RECQL4: variants seen among roughly 807,000 people sequenced by gnomAD.
RECQL4 encodes the protein RecQ like helicase 4.
Under a neutral mutation model 128.6 loss-of-function variants are expected in RECQL4, and 158 were observed. The ratio of observed to expected loss-of-function variants is 1.23; its 90% CI spans 1.08 to 1.40. The LOEUF is 1.40. RECQL4 is among the 40% of genes most tolerant of loss of function. The pLI, the probability that RECQL4 is intolerant of heterozygous loss-of-function variation, is 0.00. For missense variants in RECQL4, 2,293 were observed against 1,649.8 expected (o/e 1.39, Z -6.75); for synonymous variants, 996 against 678.9 (o/e 1.47, Z -7.26).
chr8:144,517,540 T>C, intron 2 of RECQL4, 32 bp from the exon 3 acceptor site: 1 of 1,551,790 alleles, frequency 6.4e-7, no homozygotes, highest in Non-Finnish European at 8.6e-7. Flanking sequence ...GGGGTCAGGG[T>C]GGGGCCTGGG....
chr8:144,513,339 G>A lies in RECQL4; in HGVS notation c.2342C>T (p.Pro781Leu), dbSNP rs2130678317. 6.2e-7 allele frequency: 1 copy of A among 1,604,326 alleles called. No homozygotes were observed. Among genetic ancestry groups the A allele is most frequent in the Non-Finnish European group, 8.5e-7 (1 of 1,179,614 alleles). ...TVAFGMGLDR[P>L]DVRAVLHLGL... The stretch of plus-strand genomic sequence containing the variant: ...CAGATGCAGCACAGCCCGCACATCT[G>A]GCCGGTCCAGCCCCATCCCAAAGGC... The change falls in exon 14 of 21, where the codon CCA becomes CTA. Residue 781 changes from proline to leucine, a missense_variant. Pro to Leu is a moderately conservative substitution (Grantham distance 98). Coordinates refer to ENST00000617875, the MANE Select transcript of RECQL4 (RefSeq NM_004260.4).
At position 144,513,443 on chromosome 8, in the gene RECQL4, C is replaced by T. The variant is rs35215952; in HGVS notation, c.2238G>A (p.Ala746=). ...GCCGCCGTTCCCGGCTGCACATGCC[C>T]GCGTGGTAGGCCTCGGCTGTGGTTT... ...APKTTAEAYH[A]GMCSRERRRV... is the part of the protein sequence containing the mutation. Residue 746 remains alanine (A), a synonymous_variant, in exon 14 of 21, where the codon GCG becomes GCA. Transcript: ENST00000617875. 3.7e-3 allele frequency: 5,946 copies of T among 1,609,742 alleles called. 38 individuals carry two copies. Among genetic ancestry groups the T allele is most frequent in the African/African-American group, 0.027 (2,057 of 75,038 alleles).
rs1815102130 is a variant in RECQL4 at position 144,516,744 on chromosome 8, G to A, written c.375C>T (p.Arg125=). 1 of 1,524,304 alleles carries A rather than the reference G, an allele frequency of 6.6e-7. No individual in the cohort carries two copies. Among genetic ancestry groups the A allele is most frequent in the Non-Finnish European group, 8.8e-7 (1 of 1,139,976 alleles). The allele number at this position is 1,524,304 out of a possible 1,614,324, so 94.4% of individuals were successfully genotyped here. A position where few individuals can be genotyped will look rare whatever the true frequency, so the allele number is the denominator to read the frequency against. ...GTLQAGPALG[R]RPWPLGRASS... is the part of the protein sequence containing the mutation. ...AGGCTCTTCCTAGAGGCCACGGTCT[G>A]CGGCCCAGGGCTGGTCCGGCCTGGG... is the stretch of plus-strand genomic sequence containing the variant. The change falls in exon 5 of 21, where the codon CGC becomes CGT. Residue 125 remains arginine (R), a synonymous_variant. Transcript: ENST00000617875.
chr8:144,512,604 T>C (rs1323132839), intron 16 of RECQL4, 38 bp downstream of exon 16: 9 of 1,611,472 alleles, frequency 5.6e-6, no homozygotes, highest in Non-Finnish European at 7.6e-6. Context: ...CAGCCCTGAT[T>C]CTCCAACCTC....
intron 18 of RECQL4, 34 bp from the exon 19 acceptor site, chr8:144,512,101 C>T (rs374253364): frequency 6.8e-4 from 1,098 of 1,603,296 alleles, no homozygotes; most frequent in Non-Finnish European, 8.5e-4. Context: ...CTGATCACTG[C>T]GGGAGGGTGG....
rs530002165 is a variant in RECQL4, at chr8:144,517,444, G to C, written c.183C>G (p.Ser61Arg). Residue 61 changes from serine to arginine, a missense_variant, in exon 3 of 21, where the codon AGC becomes AGG. Coordinates refer to ENST00000617875, the MANE Select transcript of RECQL4 (RefSeq NM_004260.4). ...CGGCCGCCGCGGGGAGCGACTCGGAGCTGCGGAGCCCGCCGCCGGCCTGGC... is the reference window on the plus strand; with the variant it reads ...CGGCCGCCGCGGGGAGCGACTCGGACCTGCGGAGCCCGCCGCCGGCCTGGC... ...TTGQAGGGLR[S>R]SESLPAAAEE... 1.3e-6 allele frequency: 2 copies of C among 1,590,854 alleles called. No individual in the cohort carries two copies. Among genetic ancestry groups the C allele is most frequent in the Admixed American group, 1.7e-5 (1 of 58,274 alleles).
Position 144,517,823 on chromosome 8 carries a change from C to A in RECQL4, c.-39G>T. On this transcript the variant is annotated 5_prime_UTR_variant, in exon 1 of 21. Coordinates refer to ENST00000617875, the MANE Select transcript of RECQL4 (RefSeq NM_004260.4). ...GCCCGGCCTCCGCGCTTGCGATCGT[C>A]CAGCGAATCTCCCGCGCAGCCGTCG... The A allele has an allele frequency of 8.4e-7, 1 of 1,186,578 alleles. No homozygotes were observed. Among genetic ancestry groups the A allele is most frequent in the Non-Finnish European group, 1.0e-6 (1 of 958,034 alleles). 73.5% of individuals were successfully genotyped at this position (1,186,578 alleles called of 1,614,324 possible).
chr8:144,516,146 A>G lies in RECQL4; in HGVS notation c.973T>C (p.Ser325Pro), dbSNP rs1442149931. The G allele has an allele frequency of 3.1e-6, 5 of 1,613,188 alleles. No individual in the cohort carries two copies. The highest frequency in any genetic ancestry group is 3.4e-6 in the Non-Finnish European group (4 of 1,179,856). ...SNPRYHGLSPSSQARAGKAEG... is the reference protein window; with the variant it reads ...SNPRYHGLSPPSQARAGKAEG... ...GCCTTCCCAGCCCTAGCTTGACTGG[A>G]GGGGCTGAGTCCGTGGTACCTGGGG... Residue 325 changes from serine to proline, a missense_variant, in exon 5 of 21, where the codon TCC (serine) becomes CCC (proline). By Grantham distance (74) the Ser-to-Pro change is moderately conservative. Coordinates refer to ENST00000617875, the MANE Select transcript of RECQL4 (RefSeq NM_004260.4).
Position 144,512,917 on chromosome 8 carries a change from C to T in RECQL4, c.2685G>A (p.Arg895=), listed in dbSNP as rs1259701902. 33 of 1,583,398 alleles carry T rather than the reference C, an allele frequency of 2.1e-5. No homozygotes were observed. The highest frequency in any genetic ancestry group is 2.7e-5 in the Non-Finnish European group (32 of 1,165,092). Residue 895 remains arginine (R), a synonymous_variant, in exon 15 of 21, where the codon AGG becomes AGA. Coordinates refer to ENST00000617875, the MANE Select transcript of RECQL4 (RefSeq NM_004260.4). ...GTGCCCGCTCATGGCCCATGCAGACCCTTCTGGGTCCTGGGGCTGCTTGGT... is the reference window on the plus strand; with the variant it reads ...GTGCCCGCTCATGGCCCATGCAGACTCTTCTGGGTCCTGGGGCTGCTTGGT... ...LSHQAAPGPR[R]VCMGHERALP...
Position 144,512,046 on chromosome 8 carries a change from C to T in RECQL4, c.3258G>A (p.Gly1086=). ...CCTCATCCTGCTGCTCCAGGCAGGG[C>T]CCGCAGCTGGGGAAGGCTACGCTGT... ...AFHSVAFPSC[G]PCLEQQDEER... is the part of the protein sequence containing the mutation. The change falls in exon 19 of 21, where the codon GGG becomes GGA. Residue 1086 remains glycine, a synonymous_variant. Coordinates refer to ENST00000617875, the MANE Select transcript of RECQL4 (RefSeq NM_004260.4). 1 of 1,608,430 alleles carries T rather than the reference C, an allele frequency of 6.2e-7. No individual in the cohort carries two copies. Among genetic ancestry groups the T allele is most frequent in the African/African-American group, 1.3e-5 (1 of 75,020 alleles).
chr8:144,517,385 A>G (rs2130739379), intron 3 of RECQL4, 29 bp downstream of exon 3: 1 of 1,541,404 alleles, frequency 6.5e-7, no homozygotes, highest in Non-Finnish European at 8.7e-7. Context: ...GGGAAGTGGG[A>G]GGAGGCTGGG....
chr8:144,514,038 T>C lies in RECQL4; in HGVS notation c.1948A>G (p.Ser650Gly). Residue 650 changes from serine to glycine, a missense_variant, in exon 12 of 21, where the codon AGT becomes GGT. By Grantham distance (56) the Ser-to-Gly change is moderately conservative (BLOSUM62 0). Coordinates refer to ENST00000617875, the MANE Select transcript of RECQL4 (RefSeq NM_004260.4). ...ACAGCCAGGTGCTGTGCCACGTCAC[T>C]GGCAGTGCGGCGTGTGGCTGTGGCT... ...LTATATRRTA[S>G]DVAQHLAVAE... 1 of 1,578,128 alleles carries C rather than the reference T, an allele frequency of 6.3e-7. No individual in the cohort carries two copies. The highest frequency in any genetic ancestry group is 8.6e-7 in the Non-Finnish European group (1 of 1,163,046).
At position 144,516,611 on chromosome 8, in the gene RECQL4, C is replaced by A. The variant is rs774750928; in HGVS notation, c.508G>T (p.Gly170Cys). The stretch of plus-strand genomic sequence containing the variant: ...GATGCCTGCAGATGCTGGAGCCGGC[C>A]TGGCCTTGGCTGGGGCTCAGGGAGC... Reference protein sequence around the residue: ...PQLPEPQPRPGRLQHLQASLS... With the variant: ...PQLPEPQPRPCRLQHLQASLS... Residue 170 changes from glycine (G) to cysteine (C), a missense_variant, in exon 5 of 21, where the codon GGC becomes TGC. Physicochemically the swap from Gly to Cys is radical, Grantham distance 159 (BLOSUM62 -3). Coordinates refer to ENST00000617875, the MANE Select transcript of RECQL4 (RefSeq NM_004260.4). The A allele has an allele frequency of 3.1e-6, 5 of 1,610,644 alleles. No individual in the cohort carries two copies. The African/African-American group carries it at 6.7e-5, about 22-fold the overall frequency.
Position 144,512,934 on chromosome 8 carries a change from C to T in RECQL4, c.2668G>A (p.Ala890Thr), listed in dbSNP as rs750381540. 8 of 1,577,900 alleles carry T rather than the reference C, an allele frequency of 5.1e-6. No individual in the cohort carries two copies. Among genetic ancestry groups the T allele is most frequent in the Non-Finnish European group, 6.9e-6 (8 of 1,162,086 alleles). ...ATGCAGACCCTTCTGGGTCCTGGGG[C>T]TGCTTGGTGGCTAAGCTGCTCAGCC... ...QEAEQLSHQA[A>T]PGPRRVCMGH... Residue 890 changes from alanine (A) to threonine (T), a missense_variant, in exon 15 of 21, where the codon GCC becomes ACC. Physicochemically the swap from Ala to Thr is moderately conservative, Grantham distance 58. Coordinates refer to ENST00000617875, the MANE Select transcript of RECQL4 (RefSeq NM_004260.4).
Position 144,517,153 on chromosome 8 carries a change from C to T in RECQL4, c.251G>A (p.Arg84Gln), listed in dbSNP as rs745596664. The T allele has an allele frequency of 3.7e-6, 6 of 1,610,436 alleles. No homozygotes were observed. Among genetic ancestry groups the T allele is most frequent in the African/African-American group, 1.3e-5 (1 of 75,022 alleles). The change falls in exon 4 of 21, where the codon CGG (arginine) becomes CAG (glutamine). Residue 84 changes from arginine (R) to glutamine (Q), a missense_variant. Coordinates refer to ENST00000617875, the MANE Select transcript of RECQL4 (RefSeq NM_004260.4). Reference protein sequence around the residue: ...EPRCWGPHLNRAATKSPQSTP... With the variant: ...EPRCWGPHLNQAATKSPQSTP... ...AGACTGTGGACTCTTGGTCGCAGCC[C>T]GATTCAGATGGGGCCCCCAGCAGCG...
At position 144,517,139 on chromosome 8, in the gene RECQL4, T is replaced by A; in HGVS notation, c.265A>T (p.Ser89Cys). The A allele has an allele frequency of 6.2e-7, 1 of 1,611,708 alleles. No individual in the cohort carries two copies. Among genetic ancestry groups the A allele is most frequent in the Non-Finnish European group, 8.5e-7 (1 of 1,179,560 alleles). The change falls in exon 4 of 21, where the codon AGT becomes TGT. Residue 89 changes from serine to cysteine, a missense_variant. Ser to Cys is a moderately radical substitution (Grantham distance 112). Transcript: ENST00000617875. ...GPHLNRAATK[S>C]PQSTPGRSRQ... ...CTCCGCCCTGGCGTAGACTGTGGACTCTTGGTCGCAGCCCGATTCAGATGG... is the reference window on the plus strand; with the variant it reads ...CTCCGCCCTGGCGTAGACTGTGGACACTTGGTCGCAGCCCGATTCAGATGG...
At position 144,513,982 on chromosome 8, in the gene RECQL4, G is replaced by T; in HGVS notation, c.2004C>A (p.Ala668=). Residue 668 remains alanine, a synonymous_variant, in exon 12 of 21, where the codon GCC becomes GCA. Transcript: ENST00000617875. ...VAEEPDLHGP[A]PVPTNLHLSV... is the part of the protein sequence containing the mutation. ...AAAGGTGCAGGTTGGTGGGAACTGGGGCTGGCCCGTGGAGGTCAGGCTCTT... is the reference window on the plus strand; with the variant it reads ...AAAGGTGCAGGTTGGTGGGAACTGGTGCTGGCCCGTGGAGGTCAGGCTCTT... 6.4e-7 allele frequency: 1 copy of T among 1,565,444 alleles called. No individual in the cohort carries two copies. Among genetic ancestry groups the T allele is most frequent in the Admixed American group, 1.9e-5 (1 of 53,548 alleles).
rs763512560 is a variant in RECQL4, at chr8:144,513,207, G to T, written c.2463+11C>A. The T allele has an allele frequency of 2.6e-6, 4 of 1,563,506 alleles. No homozygotes were observed. The highest frequency in any genetic ancestry group is 2.3e-5 in the East Asian group (1 of 43,998). On this transcript the variant is annotated intron_variant, in intron 14 of 20. Transcript: ENST00000617875. Reference sequence around the variant, plus strand: ...TCGAGCACTGGCAGTGTGGGGGGGGGGGGTGCCAACCTGGGGCTGCAGGAA... The same window carrying T: ...TCGAGCACTGGCAGTGTGGGGGGGGTGGGTGCCAACCTGGGGCTGCAGGAA...
At chr8:144,511,886 A>C (rs1399136212) in intron 19 of RECQL4, 25 bp downstream of exon 19, 1 of 1,609,906 alleles carries the variant, frequency 6.2e-7, no homozygotes, top group Non-Finnish European at 8.5e-7. Context: ...AACCCCGATG[A>C]GCTGCCTGGC....
Sources: allele counts gnomAD v4.1 joint callset, GRCh38; gene constraint gnomAD v4.1.1; transcripts MANE v1.5; gene names NCBI Gene and HGNC (gene_info 2026-07-23, HGNC 2026-07-21).